HOGA1: variants seen among roughly 807,000 people sequenced by gnomAD.
HOGA1 encodes the protein 4-hydroxy-2-oxoglutarate aldolase 1, also known as 4-hydroxy-2-oxoglutarate aldolase, mitochondrial.
A neutral mutation model predicts 34.3 loss-of-function variants in HOGA1; 30 were observed. The ratio of observed to expected loss-of-function variants is 0.87; its 90% CI spans 0.65 to 1.19. HOGA1 has a LOEUF of 1.19. Ranked by LOEUF, HOGA1 falls within the 50% of genes most tolerant of loss-of-function variation. HOGA1 has a pLI of 0.00. For missense variants in HOGA1, 417 were observed against 436.5 expected (o/e 0.96, Z 0.40); for synonymous variants, 161 against 174.0 (o/e 0.93, Z 0.59).
At chr10:97,602,303 A>G in intron 6 of HOGA1, 3 of 1,303,880 alleles carry the variant, frequency 2.3e-6, no homozygotes, top group Non-Finnish European at 3.0e-6. Flanking sequence ...GAGTAACCCT[A>G]GGACCACACT....
chr10:97,590,635 T>TCA, intron 1 of HOGA1: 2 of 1,504,188 alleles, frequency 1.3e-6, no homozygotes, highest in Admixed American at 1.7e-5. Flanking sequence ...CAAGGCTGGC[T>TCA]CACACACACG....
intron 1 of HOGA1, among the ~76,000 whole-genome samples, chr10:97,589,520 A>C (rs2041000114): frequency 6.6e-6 from 1 of 151,896 alleles, no homozygotes; most frequent in East Asian, 1.9e-4. Context: ...CAGCCCTTTC[A>C]CTGAGCCTGG....
At chr10:97,601,004 G>T (rs575706782) in intron 5 of HOGA1, 2 of 152,514 alleles carry the variant, frequency 1.3e-5, no homozygotes, top group East Asian at 1.9e-4. Context: ...CAGCTCTGCA[G>T]TTTATTCACT....
chr10:97,607,495 TG>T (rs909244922), intron 6 of HOGA1, among the ~76,000 whole-genome samples: 23 of 152,184 alleles, frequency 1.5e-4, no homozygotes, highest in African/African-American at 4.8e-4. Context: ...TGTTAGTGCG[TG>T]TATTGTCTGT....
At position 97,599,838 on chromosome 10, in the gene HOGA1, T is replaced by C. The variant is rs2041102577; in HGVS notation, c.603+24T>C. 3 of 1,614,038 alleles carry C rather than the reference T, an allele frequency of 1.9e-6. No individual in the cohort carries two copies. The African/African-American group carries it at 4.0e-5, about 22-fold the overall frequency. ...ATGTGAGTGGCAGCAGCTCCGGGGC[T>C]GGGGTCCTCTCCTCCTTTTCTGGGT... On this transcript the variant is annotated intron_variant, in intron 4 of 6. Coordinates refer to ENST00000370646, the MANE Select transcript of HOGA1 (RefSeq NM_138413.4).
intron 6 of HOGA1, chr10:97,602,673 CTCTCTT>C: frequency 1.3e-6 from 1 of 793,438 alleles, no homozygotes; most frequent in Non-Finnish European, 1.5e-6. Flanking sequence ...CTTTCTCTTT[CTCTCTT>C]TCTTTCTTTC....
In HOGA1 at chr10:97,587,971, C is replaced by T. The variant is rs139783093; in HGVS notation, c.211+3057C>T. Among the ~76,000 whole-genome samples, 500 of 151,816 alleles carry T rather than the reference C, an allele frequency of 3.3e-3. 6 individuals carry two copies. Among genetic ancestry groups the T allele is most frequent in the African/African-American group, 0.012 (477 of 41,422 alleles). ...GACCAAAGGTGCACACCACTATACCCGGCTAATTTTTTGTATTTTTAGTAG... is the reference window on the plus strand; with the variant it reads ...GACCAAAGGTGCACACCACTATACCTGGCTAATTTTTTGTATTTTTAGTAG... On this transcript the variant is annotated intron_variant, in intron 1 of 6. Transcript: ENST00000370646.
intron 1 of HOGA1, among the ~76,000 whole-genome samples, chr10:97,586,163 A>G (rs2040969886): frequency 6.6e-6 from 1 of 151,466 alleles, no homozygotes; most frequent in African/African-American, 2.4e-5. Flanking sequence ...ATCAAATCAC[A>G]TCTCTGGCAC....
chr10:97,593,029 C>CAAAAAAAAAAA lies in HOGA1; in HGVS notation c.212-5734_212-5724dup, dbSNP rs1169191059. On this transcript the variant is annotated intron_variant, in intron 1 of 6. Coordinates refer to ENST00000370646, the MANE Select transcript of HOGA1 (RefSeq NM_138413.4). ...TGGGCGACAGAGTGAGACTCTGTCT[C>CAAAAAAAAAAA]AAAAAAAAAAAAAAAAAAAAAAGAG... is the stretch of plus-strand genomic sequence containing the variant. 4.7e-3 allele frequency among the ~76,000 whole-genome samples: 223 copies of CAAAAAAAAAAA among 47,762 alleles called. 8 individuals carry two copies. The highest frequency in any genetic ancestry group is 7.3e-3 in the African/African-American group (83 of 11,394). The allele number at this position is 47,762 out of a possible 152,430, so 31.3% of individuals were successfully genotyped here.
intron 3 of HOGA1, 155 bp downstream of exon 3, chr10:97,599,371 A>G: frequency 1.1e-6 from 1 of 879,020 alleles, no homozygotes; most frequent in East Asian, 2.6e-5. Context: ...GGCTTACCTG[A>G]CCACTCTGTG....
rs576629527 is a variant in HOGA1 at position 97,592,366 on chromosome 10, G to A, written c.212-6409G>A. 4.7e-5 allele frequency among the ~76,000 whole-genome samples: 7 copies of A among 150,312 alleles called. No individual in the cohort carries two copies. The South Asian group carries it at 6.3e-4, about 14-fold the overall frequency. The stretch of plus-strand genomic sequence containing the variant: ...TGCCATTCTCCTGCCTCAGTCTCTC[G>A]AGTAGCTGGGACTACAGGCGCCCGC... On this transcript the variant is annotated intron_variant, in intron 1 of 6. Coordinates refer to ENST00000370646, the MANE Select transcript of HOGA1 (RefSeq NM_138413.4).
At chr10:97,593,584 T>C (rs1284902174) in intron 1 of HOGA1, among the ~76,000 whole-genome samples, 2 of 152,192 alleles carry the variant, frequency 1.3e-5, no homozygotes, top group African/African-American at 4.8e-5. Flanking sequence ...AATTATGTCA[T>C]GCAAAAAACT....
intron 1 of HOGA1, among the ~76,000 whole-genome samples, chr10:97,588,569 G>C (rs1458315601): frequency 6.6e-6 from 1 of 152,132 alleles, no homozygotes; most frequent in Non-Finnish European, 1.5e-5. Flanking sequence ...CATTACAGAA[G>C]GGCTCTATGG....
chr10:97,589,275 C>T (rs571722413), intron 1 of HOGA1, among the ~76,000 whole-genome samples: 16 of 152,058 alleles, frequency 1.1e-4, no homozygotes, highest in Admixed American at 2.6e-4. Context: ...ATGGAATATG[C>T]CAGGCTGGCA....
chr10:97,600,868 C>T (rs2041110218), intron 5 of HOGA1: 1 of 152,680 alleles, frequency 6.5e-6, no homozygotes. Context: ...TGTACATCTC[C>T]CCTGCCATGT....
chr10:97,597,425 AAAG>A (rs2041080052), intron 1 of HOGA1, among the ~76,000 whole-genome samples: 1 of 151,920 alleles, frequency 6.6e-6, no homozygotes, highest in Non-Finnish European at 1.5e-5. Flanking sequence ...TAGAGAGGAG[AAAG>A]AAGAAGAAAG....
intron 1 of HOGA1, among the ~76,000 whole-genome samples, chr10:97,588,248 A>G (rs1289300495): frequency 1.5e-5 from 2 of 136,514 alleles, no homozygotes; most frequent in Admixed American, 1.6e-4. Flanking sequence ...CCCAGGCTGC[A>G]GTGCAGTGGC....
chr10:97,586,115 C>T (rs942564364), intron 1 of HOGA1, among the ~76,000 whole-genome samples: 38 of 143,616 alleles, frequency 2.6e-4, no homozygotes, highest in African/African-American at 3.9e-4. Context: ...CTAGCCCGGG[C>T]GACAGAGCAA....
At position 97,611,503 on chromosome 10, in the gene HOGA1, T is replaced by A. The variant is rs768061627; in HGVS notation, c.835-7T>A. On this transcript the variant is annotated splice_polypyrimidine_tract_variant and splice_region_variant and intron_variant, in intron 6 of 6. Transcript: ENST00000370646. ...CTCAGTCTCTTCTAACAGGCCCTGC[T>A]TTGCAGGTGACCCGGCGCTTTGGGA... 1 of 1,614,234 alleles carries A rather than the reference T, an allele frequency of 6.2e-7. No homozygotes were observed. The highest frequency in any genetic ancestry group is 1.7e-5 in the Admixed American group (1 of 60,032).
Sources: gnomAD v4.1 joint callset for allele counts (sites outside exome capture counted in the v4.1 genomes callset) on GRCh38, gnomAD v4.1.1 for gene constraint, MANE v1.5 for transcripts, NCBI Gene and HGNC (gene_info 2026-07-23, HGNC 2026-07-21) for gene names.